The following VANGL2 variants were observed in gnomAD, a reference collection of about 807,000 sequenced individuals.
VANGL2 encodes the protein VANGL planar cell polarity protein 2.
Under a neutral mutation model 50.2 loss-of-function variants are expected in VANGL2, and 14 were observed. The ratio of observed to expected loss-of-function variants is 0.28; its 90% CI spans 0.18 to 0.44. The LOEUF (loss-of-function observed/expected upper bound fraction) is 0.44. VANGL2 is among the 20% of genes least tolerant of loss of function. The probability of loss-of-function intolerance (pLI) is 1.00; values close to 1 mark genes in which losing one functional copy is unlikely to be tolerated. For missense variants in VANGL2, 533 were observed against 701.5 expected, an observed-to-expected ratio of 0.76 and a Z score of 2.71; for synonymous variants, 295 against 297.2, an observed-to-expected ratio of 0.99 and a Z score of 0.08.
intron 1 of VANGL2, among the ~76,000 whole-genome samples, chr1:160,406,599 C>T (rs567448553): frequency 3.3e-4 from 50 of 152,206 alleles, no homozygotes; most frequent in African/African-American, 1.1e-3. Flanking sequence ...GAGCCTGGTC[C>T]TTATTGTCTG....
intron 1 of VANGL2, among the ~76,000 whole-genome samples, chr1:160,411,946 A>C (rs895373450): frequency 2.0e-5 from 3 of 152,132 alleles, no homozygotes; most frequent in African/African-American, 7.2e-5. Context: ...CTCTTTCCCT[A>C]GTCTCAGAGG....
chr1:160,406,356 CTGAGGAGTAGAGAAGCCTACCCT>C (rs1338026318), intron 1 of VANGL2, among the ~76,000 whole-genome samples: 1 of 152,156 alleles, frequency 6.6e-6, no homozygotes, highest in African/African-American at 2.4e-5. Context: ...CAGTGTCAGC[CTGAGGAGTAGAGAAGCCTACCCT>C]TGAGGGTGGG....
intron 1 of VANGL2, among the ~76,000 whole-genome samples, chr1:160,407,106 A>G (rs1216922075): frequency 1.3e-5 from 2 of 152,204 alleles, no homozygotes; most frequent in East Asian, 3.8e-4. Flanking sequence ...GCAGTCACTT[A>G]AAAAACAACA....
At chr1:160,422,031 C>T (rs376509230) in intron 6 of VANGL2, among the ~76,000 whole-genome samples, 137 of 152,298 alleles carry the variant, frequency 9.0e-4, no homozygotes, top group African/African-American at 3.1e-3. Context: ...CCTACTCTGC[C>T]GGGTTCCATC....
chr1:160,419,305 C>G lies in VANGL2; in HGVS notation c.496C>G (p.Leu166Val), dbSNP rs1449574566. Reference protein sequence around the residue: ...LLILLLGSWALFFRRPKASLP... With the variant: ...LLILLLGSWAVFFRRPKASLP... ...CATCCTGCTACTGGGCAGCTGGGCT[C>G]TGTTCTTCCGCCGGCCCAAGGCCTC... is the stretch of plus-strand genomic sequence containing the variant. Residue 166 changes from leucine to valine, a missense_variant, in exon 4 of 8, where the codon CTG becomes GTG. By Grantham distance (32) the Leu-to-Val change is conservative (BLOSUM62 1). Coordinates refer to ENST00000368061, the MANE Select transcript of VANGL2 (RefSeq NM_020335.3). The surrounding 1 kb of genome is among the most constrained non-coding windows in gnomAD (Gnocchi z 5.8). 3 of 1,608,672 alleles carry G rather than the reference C, an allele frequency of 1.9e-6. No homozygotes were observed. Among genetic ancestry groups the G allele is most frequent in the Admixed American group, 3.3e-5 (2 of 60,032 alleles).
At chr1:160,412,295 C>T (rs781642017) in intron 1 of VANGL2, among the ~76,000 whole-genome samples, 6 of 151,968 alleles carry the variant, frequency 3.9e-5, no homozygotes, top group South Asian at 4.2e-4. Context: ...AGCCTGGGAT[C>T]TAGTGTGTGT....
chr1:160,420,367 T>A, intron 4 of VANGL2, 44 bp from the exon 5 acceptor site: 2 of 1,613,378 alleles, frequency 1.2e-6, no homozygotes, highest in Non-Finnish European at 1.7e-6. Context: ...CTGTGCCCCT[T>A]GGTCTGTCCC....
chr1:160,426,536 G>C lies in VANGL2; in HGVS notation c.*1158G>C, dbSNP rs1476759490. The C allele has an allele frequency of 6.5e-6, 1 of 152,780 alleles. No individual in the cohort carries two copies. The highest frequency in any genetic ancestry group is 1.5e-5 in the Non-Finnish European group (1 of 68,280). The allele number at this position is 152,780 out of a possible 1,614,324, so 9.5% of individuals were successfully genotyped here. On this transcript the variant is annotated 3_prime_UTR_variant, in exon 8 of 8. Coordinates refer to ENST00000368061, the MANE Select transcript of VANGL2 (RefSeq NM_020335.3). ...CCTGATTCTCTGAGCTCTGGGCTCC[G>C]TCTGTATTGGGTTGAGGGGCAAGGA...
At chr1:160,423,899 C>T (rs148031529) in intron 6 of VANGL2, among the ~76,000 whole-genome samples, 153 bp from the exon 7 acceptor site, 1 of 152,068 alleles carries the variant, frequency 6.6e-6, no homozygotes, top group African/African-American at 2.4e-5. Flanking sequence ...TTCCCAGTGG[C>T]AGAAAGGCAC....
At chr1:160,407,953 C>T (rs1016136426) in intron 1 of VANGL2, among the ~76,000 whole-genome samples, 3 of 152,164 alleles carry the variant, frequency 2.0e-5, no homozygotes, top group African/African-American at 4.8e-5. Flanking sequence ...CTTAGTGTCC[C>T]GTCTTCCCGC....
chr1:160,403,493 C>T (rs1650552684), intron 1 of VANGL2, among the ~76,000 whole-genome samples: 1 of 152,226 alleles, frequency 6.6e-6, no homozygotes, highest in Non-Finnish European at 1.5e-5. Context: ...TGCCTCTCCT[C>T]CTGATCCTTT....
chr1:160,410,696 A>ACACG lies in VANGL2; in HGVS notation c.-190-4936_-190-4933dup, dbSNP rs71579672. Among the ~76,000 whole-genome samples the ACACG allele has an allele frequency of 9.4e-5, 14 of 149,456 alleles. No homozygotes were observed. In the South Asian group the frequency reaches 1.3e-3, roughly 14 times the overall value. ...CTTATACACACACACACACACACACACACGCACGCACGCACGCACTACTCT... is the reference window on the plus strand; with the variant it reads ...CTTATACACACACACACACACACACACACGCACGCACGCACGCACGCACTACTCT... On this transcript the variant is annotated intron_variant, in intron 1 of 7. Transcript: ENST00000368061.
Position 160,425,631 on chromosome 1 carries a change from T to C in VANGL2, c.*253T>C. The C allele has an allele frequency of 2.0e-6, 1 of 491,996 alleles. No homozygotes were observed. Among genetic ancestry groups the C allele is most frequent in the Non-Finnish European group, 3.6e-6 (1 of 276,298 alleles). 30.5% of individuals were successfully genotyped at this position (491,996 alleles called of 1,614,324 possible). Reference sequence around the variant, plus strand: ...CTCACCAACAACTTTTGTATTACTCTAGGCCCTGCAGGAATCAGTGCCTCT... The same window carrying C: ...CTCACCAACAACTTTTGTATTACTCCAGGCCCTGCAGGAATCAGTGCCTCT... On this transcript the variant is annotated 3_prime_UTR_variant, in exon 8 of 8. Coordinates refer to ENST00000368061, the MANE Select transcript of VANGL2 (RefSeq NM_020335.3).
rs181276672 is a variant in VANGL2 at position 160,428,597 on chromosome 1, G to C, written c.*3219G>C. The C allele has an allele frequency of 6.6e-6, 1 of 152,400 alleles. No individual in the cohort carries two copies. Among genetic ancestry groups the C allele is most frequent in the African/African-American group, 2.4e-5 (1 of 41,428 alleles). 9.4% of individuals were successfully genotyped at this position (152,400 alleles called of 1,614,324 possible). On this transcript the variant is annotated 3_prime_UTR_variant, in exon 8 of 8. Coordinates refer to ENST00000368061, the MANE Select transcript of VANGL2 (RefSeq NM_020335.3). ...GGATCTAAACATTACGGCAATTTTAGGATTTTTTTCTTAAACATAGGAACT... is the reference window on the plus strand; with the variant it reads ...GGATCTAAACATTACGGCAATTTTACGATTTTTTTCTTAAACATAGGAACT...
intron 1 of VANGL2, among the ~76,000 whole-genome samples, chr1:160,403,856 TC>T (rs1365874411): frequency 6.6e-6 from 1 of 152,210 alleles, no homozygotes; most frequent in Non-Finnish European, 1.5e-5. Context: ...GAATCCCTGG[TC>T]CCCCACCAAG....
chr1:160,400,588 T>TC lies in VANGL2; in HGVS notation c.-472_-471insC, dbSNP rs1650419263. The TC allele has an allele frequency of 7.0e-6, 1 of 142,864 alleles. No homozygotes were observed. Among genetic ancestry groups the TC allele is most frequent in the African/African-American group, 2.6e-5 (1 of 39,194 alleles). The allele number at this position is 142,864 out of a possible 1,614,324, so 8.8% of individuals were successfully genotyped here. Reference sequence around the variant, plus strand: ...CCTGCGCCGCCGGCTCCCGATCTGATTCCTGATCCTTGATTCCTTGATCCT... The same window carrying TC: ...CCTGCGCCGCCGGCTCCCGATCTGATCTCCTGATCCTTGATTCCTTGATCCT... On this transcript the variant is annotated 5_prime_UTR_variant, in exon 1 of 8. Coordinates refer to ENST00000368061, the MANE Select transcript of VANGL2 (RefSeq NM_020335.3).
In VANGL2 at chr1:160,425,416, T is replaced by TC; in HGVS notation, c.*40dup. The TC allele has an allele frequency of 3.4e-6, 1 of 295,106 alleles. No individual in the cohort carries two copies. Among genetic ancestry groups the TC allele is most frequent in the Non-Finnish European group, 5.9e-6 (1 of 170,624 alleles). 18.3% of individuals were successfully genotyped at this position (295,106 alleles called of 1,614,324 possible). On this transcript the variant is annotated 3_prime_UTR_variant, in exon 8 of 8. Transcript: ENST00000368061. ...AGGGGGAGTGGGAAACTCTGGGGGGTCCTGAGGGGGTGGGAGGGGGCTTGG... is the reference window on the plus strand; with the variant it reads ...AGGGGGAGTGGGAAACTCTGGGGGGTCCCTGAGGGGGTGGGAGGGGGCTTGG...
intron 6 of VANGL2, 137 bp downstream of exon 6, chr1:160,421,324 C>T: frequency 8.6e-7 from 1 of 1,159,650 alleles, no homozygotes; most frequent in Non-Finnish European, 1.2e-6. Flanking sequence ...TTTTCCGTTG[C>T]TGCCCTAACA....
chr1:160,425,507 A>G lies in VANGL2; in HGVS notation c.*129A>G, dbSNP rs549859466. 3.7e-5 allele frequency: 32 copies of G among 855,950 alleles called. No homozygotes were observed. In the African/African-American group the frequency reaches 3.8e-4, roughly 10 times the overall value. 53.0% of individuals were successfully genotyped at this position (855,950 alleles called of 1,614,324 possible). ...TGCTCTTTTTTTTTTACTTGAATTA[A>G]CGCACCCCCACCTTCTCTCCTCGCT... On this transcript the variant is annotated 3_prime_UTR_variant, in exon 8 of 8. Transcript: ENST00000368061.
Sources: allele counts gnomAD v4.1 joint callset (sites outside exome capture counted in the v4.1 genomes callset), GRCh38; gene constraint gnomAD v4.1.1; non-coding constraint Gnocchi (gnomAD v3.1); transcripts MANE v1.5; gene names NCBI Gene and HGNC (gene_info 2026-07-23, HGNC 2026-07-21).